The following VWC2L variants were observed in gnomAD, a reference collection of about 807,000 sequenced individuals.
VWC2L encodes von Willebrand factor C domain-containing protein 2-like.
Under a neutral mutation model 21.6 loss-of-function variants are expected in VWC2L, and 10 were observed. The ratio of observed to expected loss-of-function variants is 0.46; its 90% CI spans 0.29 to 0.78. The LOEUF (loss-of-function observed/expected upper bound fraction) is 0.78. VWC2L is among the 30% of genes least tolerant of loss of function. VWC2L has a pLI of 0.10. For missense variants in VWC2L, 209 were observed against 277.1 expected (o/e 0.75, Z 1.74); for synonymous variants, 96 against 94.3 (o/e 1.02, Z -0.10).
chr2:214,528,602 T>A (rs1689380400), intron 3 of VWC2L, among the ~76,000 whole-genome samples: 1 of 152,228 alleles, frequency 6.6e-6, no homozygotes, highest in East Asian at 1.9e-4. Context: ...CTTTTTTTTT[T>A]ATAGTCTGCT....
At chr2:214,517,956 G>A (rs1689171275) in intron 3 of VWC2L, among the ~76,000 whole-genome samples, 1 of 152,146 alleles carries the variant, frequency 6.6e-6, no homozygotes, top group Non-Finnish European at 1.5e-5. Flanking sequence ...CACGAGGTCA[G>A]GAGATCGAGA....
chr2:214,493,538 C>T (rs1258357223), intron 3 of VWC2L, among the ~76,000 whole-genome samples: 1 of 152,148 alleles, frequency 6.6e-6, no homozygotes, highest in Non-Finnish European at 1.5e-5. Flanking sequence ...TCCCCACCCC[C>T]ATGCATTTGT....
At position 214,488,119 on chromosome 2, in the gene VWC2L, A is replaced by C. The variant is rs75250861; in HGVS notation, c.520+51361A>C. ...ATATATCTTCTGCTCCACCAATTCT[A>C]TCCTCTCCTCCACCCATAATGGATT... is the stretch of plus-strand genomic sequence containing the variant. On this transcript the variant is annotated intron_variant, in intron 3 of 3. Transcript: ENST00000312504. Among the ~76,000 whole-genome samples, 1,025 of 152,130 alleles carry C rather than the reference A, an allele frequency of 6.7e-3. 10 individuals carry two copies. The highest frequency in any genetic ancestry group is 0.023 in the African/African-American group (975 of 41,494).
intron 3 of VWC2L, among the ~76,000 whole-genome samples, chr2:214,450,927 G>A (rs1180250711): frequency 1.3e-5 from 2 of 151,906 alleles, no homozygotes; most frequent in Non-Finnish European, 1.5e-5. Flanking sequence ...TCCTATAAAG[G>A]GGAAATAATT....
intron 3 of VWC2L, among the ~76,000 whole-genome samples, chr2:214,487,494 C>G (rs1158954441): frequency 6.6e-6 from 1 of 152,124 alleles, no homozygotes; most frequent in Non-Finnish European, 1.5e-5. Flanking sequence ...AAGACAGTGG[C>G]ATGCCCAATG....
At position 214,573,344 on chromosome 2, in the gene VWC2L, G is replaced by A. The variant is rs1353457835; in HGVS notation, c.521-2328G>A. ...TCAAGAAGCTGGGAAAACTCTTACT[G>A]GATAATATCTTGCCTGGTTCAGGGA... On this transcript the variant is annotated intron_variant, in intron 3 of 3. Transcript: ENST00000312504. 2.0e-5 allele frequency among the ~76,000 whole-genome samples: 3 copies of A among 151,984 alleles called. No homozygotes were observed. The East Asian group carries it at 5.8e-4, about 29-fold the overall frequency.
rs1226547696 is a variant in VWC2L at position 214,575,628 on chromosome 2, C to A, written c.521-44C>A. Reference sequence around the variant, plus strand: ...GTTTGGATGGTGGGGAGAAAGGGAGCCTCTCAGATTTAATCAACTAATCAA... The same window carrying A: ...GTTTGGATGGTGGGGAGAAAGGGAGACTCTCAGATTTAATCAACTAATCAA... On this transcript the variant is annotated intron_variant, in intron 3 of 3. Transcript: ENST00000312504. 5.0e-6 allele frequency: 8 copies of A among 1,599,610 alleles called. No individual in the cohort carries two copies. The African/African-American group carries it at 5.4e-5, about 11-fold the overall frequency.
intron 2 of VWC2L, among the ~76,000 whole-genome samples, chr2:214,415,973 T>C (rs1279800442): frequency 6.6e-6 from 1 of 152,080 alleles, no homozygotes; most frequent in African/African-American, 2.4e-5. Flanking sequence ...CTCTAAAATA[T>C]TGTATATATT....
At chr2:214,457,942 C>T (rs1703080730) in intron 3 of VWC2L, among the ~76,000 whole-genome samples, 2 of 151,972 alleles carry the variant, frequency 1.3e-5, no homozygotes, top group African/African-American at 4.8e-5. Context: ...TCTATTGTTT[C>T]CTTGTCTGGT....
At chr2:214,420,318 T>G (rs1702420607) in intron 2 of VWC2L, among the ~76,000 whole-genome samples, 1 of 152,150 alleles carries the variant, frequency 6.6e-6, no homozygotes, top group South Asian at 2.1e-4. Context: ...GTCTAGTTGT[T>G]TTTTTAATAT....
chr2:214,427,492 A>C (rs1702541558), intron 2 of VWC2L, among the ~76,000 whole-genome samples: 1 of 152,224 alleles, frequency 6.6e-6, no homozygotes, highest in Non-Finnish European at 1.5e-5. Context: ...TCATCTCTGT[A>C]AATAAGAATC....
intron 3 of VWC2L, among the ~76,000 whole-genome samples, chr2:214,528,561 C>T (rs964629777): frequency 3.9e-5 from 6 of 151,972 alleles, no homozygotes; most frequent in South Asian, 4.1e-4. Context: ...TTCACATTAT[C>T]GCCAGGGAGT....
chr2:214,493,310 T>C (rs1312377931), intron 3 of VWC2L, among the ~76,000 whole-genome samples: 1 of 152,216 alleles, frequency 6.6e-6, no homozygotes, highest in African/African-American at 2.4e-5. Flanking sequence ...TGCTACTTGA[T>C]TAGGCAGCCA....
At chr2:214,572,275 T>C (rs1690161194) in intron 3 of VWC2L, among the ~76,000 whole-genome samples, 1 of 152,204 alleles carries the variant, frequency 6.6e-6, no homozygotes, top group African/African-American at 2.4e-5. Context: ...TCACCATTTT[T>C]TACATAATAA....
chr2:214,414,476 C>A lies in VWC2L; in HGVS notation c.283C>A (p.Pro95Thr). 3.7e-6 allele frequency: 6 copies of A among 1,613,330 alleles called. No individual in the cohort carries two copies. The highest frequency in any genetic ancestry group is 5.1e-6 in the Non-Finnish European group (6 of 1,179,604). Residue 95 changes from proline (P) to threonine (T), a missense_variant, in exon 2 of 4, where the codon CCA (proline) becomes ACA (threonine). Coordinates refer to ENST00000312504, the MANE Select transcript of VWC2L (RefSeq NM_001080500.4). ...CCAACCAGAATGCCCTAAAATTCAC[C>A]CAAAGTGTACTAAAGTGGAACACAA... ...CDQPECPKIH[P>T]KCTKVEHNGC...
intron 2 of VWC2L, among the ~76,000 whole-genome samples, chr2:214,423,801 T>G (rs1225672431): frequency 6.6e-6 from 1 of 152,140 alleles, no homozygotes; most frequent in Non-Finnish European, 1.5e-5. Context: ...CATTAAACAT[T>G]ACCCATTTAT....
chr2:214,515,029 T>A (rs1689118168), intron 3 of VWC2L, among the ~76,000 whole-genome samples: 1 of 152,126 alleles, frequency 6.6e-6, no homozygotes, highest in Non-Finnish European at 1.5e-5. Context: ...AAATACATCA[T>A]AAAAAGCATT....
intron 2 of VWC2L, among the ~76,000 whole-genome samples, chr2:214,417,644 A>G (rs1469114455): frequency 1.3e-5 from 2 of 152,178 alleles, no homozygotes; most frequent in African/African-American, 4.8e-5. Context: ...AGATATGACT[A>G]AAATGCTATC....
intron 3 of VWC2L, among the ~76,000 whole-genome samples, chr2:214,476,789 C>G (rs1376582901): frequency 6.6e-6 from 1 of 152,196 alleles, no homozygotes; most frequent in Non-Finnish European, 1.5e-5. Context: ...TCTCTCCTCT[C>G]TCTCCCTTTT....
Sources: gnomAD v4.1 joint callset for allele counts (sites outside exome capture counted in the v4.1 genomes callset) on GRCh38, gnomAD v4.1.1 for gene constraint, MANE v1.5 for transcripts, NCBI Gene and HGNC (gene_info 2026-07-23, HGNC 2026-07-21) for gene names.